KBTBD2: variants seen among roughly 807,000 people sequenced by gnomAD.
KBTBD2 encodes the protein kelch repeat and BTB domain-containing protein 2.
Under a neutral mutation model 57.1 loss-of-function variants are expected in KBTBD2, and 17 were observed. The ratio of observed to expected loss-of-function variants is 0.30; its 90% confidence interval spans 0.20 to 0.45. The LOEUF (loss-of-function observed/expected upper bound fraction) is 0.45, where lower values mean the gene tolerates loss of function less well. Ranked by LOEUF, KBTBD2 falls within the 20% of genes least tolerant of loss-of-function variation. The pLI is 1.00. For missense variants in KBTBD2, 515 were observed against 750.6 expected (o/e 0.69, Z 3.67); for synonymous variants, 267 against 262.7 (o/e 1.02, Z -0.16).
intron 1 of KBTBD2, among the ~76,000 whole-genome samples, chr7:32,882,258 C>G (rs1346394365): frequency 6.6e-6 from 1 of 152,022 alleles, no homozygotes; most frequent in Non-Finnish European, 1.5e-5. Flanking sequence ...CAAAATTGTC[C>G]CCATCCATGT....
intron 2 of KBTBD2, among the ~76,000 whole-genome samples, chr7:32,878,389 A>G (rs1784365628): frequency 6.6e-6 from 1 of 151,350 alleles, no homozygotes; most frequent in Non-Finnish European, 1.5e-5. Context: ...GACCAGCCTG[A>G]CCAACATGGT....
chr7:32,885,790 CTTTT>C (rs1784565016), intron 1 of KBTBD2, among the ~76,000 whole-genome samples: 1 of 152,040 alleles, frequency 6.6e-6, no homozygotes, highest in Admixed American at 6.6e-5. Flanking sequence ...CTTACTCCTT[CTTTT>C]AAGTCCTGCG....
At chr7:32,880,808 A>G (rs1436892660) in intron 1 of KBTBD2, among the ~76,000 whole-genome samples, 2 of 152,174 alleles carry the variant, frequency 1.3e-5, no homozygotes, top group African/African-American at 4.8e-5. Flanking sequence ...CACATAAGAA[A>G]CCAGAGATGA....
At chr7:32,883,311 C>G (rs1430533942) in intron 1 of KBTBD2, among the ~76,000 whole-genome samples, 1 of 152,080 alleles carries the variant, frequency 6.6e-6, no homozygotes, top group African/African-American at 2.4e-5. Flanking sequence ...CACTTGAACC[C>G]AGGAGGAGGA....
chr7:32,881,207 A>AG (rs1212226360), intron 1 of KBTBD2, among the ~76,000 whole-genome samples: 1 of 152,074 alleles, frequency 6.6e-6, no homozygotes, highest in African/African-American at 2.4e-5. Flanking sequence ...TAACTGCTCA[A>AG]GGGGGCAAAA....
chr7:32,869,639 T>C lies in KBTBD2; in HGVS notation c.1578A>G (p.Arg526=), dbSNP rs570834846. 11 of 1,614,154 alleles carry C rather than the reference T, an allele frequency of 6.8e-6. No individual in the cohort carries two copies. Among genetic ancestry groups the C allele is most frequent in the Admixed American group, 1.7e-5 (1 of 60,014 alleles). Residue 526 remains arginine (R), a synonymous_variant, in exon 4 of 4, where the codon AGA becomes AGG. Coordinates refer to ENST00000304056, the MANE Select transcript of KBTBD2 (RefSeq NM_015483.3). ...ATAGAGAATTTGAGATCACAACAGC[T>C]CTAACACAGGGGTCAGAGTACCTCT... ...PAKRYSDPCV[R]AVVISNSLCV... is the part of the protein sequence containing the mutation.
intron 1 of KBTBD2, among the ~76,000 whole-genome samples, chr7:32,886,412 GT>G (rs1337556680): frequency 6.6e-6 from 1 of 152,166 alleles, no homozygotes; most frequent in Non-Finnish European, 1.5e-5. Flanking sequence ...CTAAATGATT[GT>G]CAGGATTAAA....
chr7:32,879,956 A>C lies in KBTBD2; in HGVS notation c.-338-14T>G, dbSNP rs144067193. On this transcript the variant is annotated splice_polypyrimidine_tract_variant and intron_variant, in intron 1 of 3. Transcript: ENST00000304056. ...CCTGTGGAGTAACTAAAAAGAAAAA[A>C]AGTTCAGTTGTAGTATCTAGGCCAG... The C allele has an allele frequency of 4.0e-5, 8 of 197,950 alleles. No individual in the cohort carries two copies. The highest frequency in any genetic ancestry group is 7.1e-5 in the Non-Finnish European group (7 of 98,428). The allele number at this position is 197,950 out of a possible 1,614,324, so 12.3% of individuals were successfully genotyped here.
intron 1 of KBTBD2, among the ~76,000 whole-genome samples, chr7:32,881,217 A>G (rs1337997366): frequency 1.3e-5 from 2 of 152,278 alleles, no homozygotes; most frequent in Admixed American, 1.3e-4. Flanking sequence ...AGGGGGCAAA[A>G]AAACCTAGGC....
intron 3 of KBTBD2, among the ~76,000 whole-genome samples, chr7:32,872,239 C>T (rs150124818): frequency 6.6e-6 from 1 of 152,116 alleles, no homozygotes; most frequent in East Asian, 1.9e-4. Context: ...GTAATGACAA[C>T]TTGCAAACTA....
At chr7:32,874,913 G>C in intron 3 of KBTBD2, 79 bp downstream of exon 3, 1 of 1,213,946 alleles carries the variant, frequency 8.2e-7, no homozygotes, top group Non-Finnish European at 1.2e-6. Flanking sequence ...GGAGGTTGCA[G>C]TGAGCGGAGA....
At chr7:32,889,403 C>T (rs1244892177) in intron 1 of KBTBD2, among the ~76,000 whole-genome samples, 3 of 152,064 alleles carry the variant, frequency 2.0e-5, no homozygotes, top group African/African-American at 7.2e-5. Flanking sequence ...GAGCTCGAGA[C>T]CAGCCTGACC....
In KBTBD2 at chr7:32,869,622, T is replaced by C. The variant is rs372848503; in HGVS notation, c.1595A>G (p.Asn532Ser). The stretch of plus-strand genomic sequence containing the variant: ...TTCTCGCATAAACACACATAGAGAA[T>C]TTGAGATCACAACAGCTCTAACACA... ...DPCVRAVVIS[N>S]SLCVFMRETH... is the part of the protein sequence containing the mutation. The change falls in exon 4 of 4, where the codon AAT (asparagine) becomes AGT (serine). Residue 532 changes from asparagine to serine, a missense_variant. Coordinates refer to ENST00000304056, the MANE Select transcript of KBTBD2 (RefSeq NM_015483.3). The C allele has an allele frequency of 6.2e-7, 1 of 1,614,048 alleles. No homozygotes were observed. Among genetic ancestry groups the C allele is most frequent in the African/African-American group, 1.3e-5 (1 of 74,910 alleles).
At chr7:32,890,059 A>C (rs1028635773) in intron 1 of KBTBD2, among the ~76,000 whole-genome samples, 3 of 148,720 alleles carry the variant, frequency 2.0e-5, no homozygotes, top group African/African-American at 7.7e-5. Context: ...GCTTCTTATG[A>C]GAGCAAAAAG....
intron 2 of KBTBD2, among the ~76,000 whole-genome samples, chr7:32,878,186 T>C (rs1784360252): frequency 6.6e-6 from 1 of 151,886 alleles, no homozygotes; most frequent in Admixed American, 6.6e-5. Context: ...GCAATCATCA[T>C]GGGATGTGTT....
At chr7:32,885,491 A>C (rs1314259285) in intron 1 of KBTBD2, among the ~76,000 whole-genome samples, 2 of 149,454 alleles carry the variant, frequency 1.3e-5, no homozygotes, top group Non-Finnish European at 3.0e-5. Flanking sequence ...AAAAAAAGAC[A>C]TCTCTCCCCA....
At chr7:32,873,729 C>T (rs1022996328) in intron 3 of KBTBD2, among the ~76,000 whole-genome samples, 2 of 151,142 alleles carry the variant, frequency 1.3e-5, no homozygotes, top group Non-Finnish European at 3.0e-5. Flanking sequence ...AGTGAAATTC[C>T]GTCTCAAAAA....
In KBTBD2 at chr7:32,868,959, G is replaced by T; in HGVS notation, c.*386C>A. On this transcript the variant is annotated 3_prime_UTR_variant, in exon 4 of 4. Coordinates refer to ENST00000304056, the MANE Select transcript of KBTBD2 (RefSeq NM_015483.3). ...TTCCAGGACTTCAGAACAGAAGCAC[G>T]GGAATGAAACACACATACTAAAATA... 6.2e-6 allele frequency: 1 copy of T among 160,526 alleles called. No individual in the cohort carries two copies. The highest frequency in any genetic ancestry group is 1.4e-5 in the Non-Finnish European group (1 of 72,596). The allele number at this position is 160,526 out of a possible 1,614,324, so 9.9% of individuals were successfully genotyped here.
intron 1 of KBTBD2, among the ~76,000 whole-genome samples, chr7:32,886,186 A>G (rs1446225333): frequency 6.6e-6 from 1 of 152,212 alleles, no homozygotes; most frequent in Non-Finnish European, 1.5e-5. Context: ...CTAGGATTAC[A>G]GGCATGAGCC....
Sources: gnomAD v4.1 joint callset for allele counts (sites outside exome capture counted in the v4.1 genomes callset) on GRCh38, gnomAD v4.1.1 for gene constraint, MANE v1.5 for transcripts, NCBI Gene and HGNC (gene_info 2026-07-23, HGNC 2026-07-21) for gene names.